The following DNAH14 variants were observed in gnomAD, a reference collection of about 807,000 sequenced individuals.
DNAH14 encodes axonemal beta dynein heavy chain 14.
In DNAH14, 478 loss-of-function variants were observed where a neutral mutation model predicts 520.9. That is an observed-to-expected ratio of 0.92 (90% CI 0.85 to 0.99). The LOEUF is 0.99. DNAH14 is among the 50% of genes least tolerant of loss of function. DNAH14 has a pLI of 0.00. For synonymous variants in DNAH14, 1,581 were observed against 1,757.2 expected (o/e 0.90, Z 2.51); for missense variants, 4,831 against 5,234.5 (o/e 0.92, Z 2.38).
At chr1:225,384,844 T>G (rs887435298) in intron 81 of DNAH14, among the ~76,000 whole-genome samples, 1 of 152,064 alleles carries the variant, frequency 6.6e-6, no homozygotes, top group Admixed American at 6.6e-5. Flanking sequence ...TTCCAATCAA[T>G]AGAAAAAGAG....
chr1:225,375,102 C>T (rs1414124964), intron 78 of DNAH14, among the ~76,000 whole-genome samples: 1 of 152,054 alleles, frequency 6.6e-6, no homozygotes, highest in Non-Finnish European at 1.5e-5. Flanking sequence ...TTCATGTCCT[C>T]CGAGAACGTA....
chr1:224,974,708 G>T (rs1274171611), intron 8 of DNAH14, among the ~76,000 whole-genome samples: 1 of 152,012 alleles, frequency 6.6e-6, no homozygotes. Context: ...GCCTTTTATA[G>T]CTATATCCAC....
chr1:224,969,997 A>T (rs1236792879), intron 7 of DNAH14, among the ~76,000 whole-genome samples: 1 of 152,242 alleles, frequency 6.6e-6, no homozygotes, highest in East Asian at 1.9e-4. Context: ...AGAACAGGAT[A>T]ACAGCAATGT....
chr1:225,058,331 G>A (rs1174113836), intron 17 of DNAH14, among the ~76,000 whole-genome samples: 3 of 152,188 alleles, frequency 2.0e-5, no homozygotes, highest in Admixed American at 2.0e-4. Context: ...AGTGTTGATA[G>A]TATTCTCTGA....
At chr1:225,088,292 C>A (rs766236282) in intron 21 of DNAH14, among the ~76,000 whole-genome samples, 1 of 151,862 alleles carries the variant, frequency 6.6e-6, no homozygotes, top group Non-Finnish European at 1.5e-5. Context: ...TAAATTTATT[C>A]CATATGTTAA....
At chr1:224,940,883 G>A (rs2059378341) in intron 1 of DNAH14, among the ~76,000 whole-genome samples, 1 of 152,164 alleles carries the variant, frequency 6.6e-6, no homozygotes, top group Admixed American at 6.5e-5. Flanking sequence ...ATTCCATGGT[G>A]TATATGTGCC....
chr1:225,122,740 TA>T (rs1359107806), intron 26 of DNAH14, among the ~76,000 whole-genome samples: 4 of 152,150 alleles, frequency 2.6e-5, no homozygotes, highest in Non-Finnish European at 5.9e-5. Flanking sequence ...TTGAAATGTA[TA>T]AAAAGTTGTT....
At chr1:225,079,839 A>G (rs2072901776) in intron 18 of DNAH14, among the ~76,000 whole-genome samples, 2 of 151,740 alleles carry the variant, frequency 1.3e-5, no homozygotes, top group African/African-American at 4.8e-5. Flanking sequence ...ACGCCCGGCT[A>G]ATTTTTTGTA....
chr1:225,349,243 T>C (rs1029517647), intron 71 of DNAH14, among the ~76,000 whole-genome samples: 2 of 152,112 alleles, frequency 1.3e-5, no homozygotes, highest in Non-Finnish European at 2.9e-5. Context: ...TAAAATAGAA[T>C]GCTATAAAAT....
intron 55 of DNAH14, among the ~76,000 whole-genome samples, chr1:225,296,839 G>T (rs12094482): frequency 6.6e-6 from 1 of 152,134 alleles, no homozygotes; most frequent in South Asian, 2.1e-4. Flanking sequence ...TTTCTGCTGA[G>T]AAATCTGCTG....
At chr1:225,367,655 A>G (rs1038694838) in intron 76 of DNAH14, 150 bp from the exon 77 acceptor site, 1 of 622,212 alleles carries the variant, frequency 1.6e-6, no homozygotes, top group Non-Finnish European at 2.8e-6. Context: ...TGGCAAAAGA[A>G]TAACATGAGA....
Position 225,007,467 on chromosome 1 carries a change from C to A in DNAH14, c.1030C>A (p.Gln344Lys). ...TGAATTTTGTGAAGAGCAGTTACAGCAAGCTACCCAGGCATTGAAACAACT... is the reference window on the plus strand; with the variant it reads ...TGAATTTTGTGAAGAGCAGTTACAGAAAGCTACCCAGGCATTGAAACAACT... ...LDEFCEEQLQ[Q>K]ATQALKQLED... The change falls in exon 10 of 86, where the codon CAA (glutamine) becomes AAA (lysine). Residue 344 changes from glutamine (Q) to lysine (K), a missense_variant. Physicochemically the swap from Gln to Lys is moderately conservative, Grantham distance 53 (BLOSUM62 1). Coordinates refer to ENST00000682510, the MANE Select transcript of DNAH14 (RefSeq NM_001367479.1). The A allele has an allele frequency of 6.5e-7, 1 of 1,541,566 alleles. No individual in the cohort carries two copies. The highest frequency in any genetic ancestry group is 8.8e-7 in the Non-Finnish European group (1 of 1,141,174).
intron 17 of DNAH14, among the ~76,000 whole-genome samples, chr1:225,053,135 G>A (rs1198259905): frequency 6.6e-6 from 1 of 152,218 alleles, no homozygotes; most frequent in Non-Finnish European, 1.5e-5. Context: ...CTGCAAGACT[G>A]ACTGAGAACA....
intron 79 of DNAH14, among the ~76,000 whole-genome samples, chr1:225,377,645 A>C (rs1371508884): frequency 6.6e-6 from 1 of 152,162 alleles, no homozygotes; most frequent in Non-Finnish European, 1.5e-5. Flanking sequence ...CTGTAGTCCC[A>C]GTAACTTGCG....
At chr1:224,982,367 G>A (rs890892715) in intron 8 of DNAH14, among the ~76,000 whole-genome samples, 5 of 152,114 alleles carry the variant, frequency 3.3e-5, no homozygotes, top group South Asian at 2.1e-4. Context: ...TTATTCATCC[G>A]TCATTTGGGT....
intron 52 of DNAH14, among the ~76,000 whole-genome samples, chr1:225,274,194 G>GGTTTTTTTTTTT (rs2093394247): frequency 8.3e-6 from 1 of 120,352 alleles, no homozygotes; most frequent in African/African-American, 3.4e-5. Flanking sequence ...ACCAGCATCT[G>GGTTTTTTTTTTT]TTATTTTTTT....
rs1052197565 is a variant in DNAH14 at position 225,080,767 on chromosome 1, A to G, written c.3136+19A>G. On this transcript the variant is annotated intron_variant, in intron 19 of 85. Coordinates refer to ENST00000682510, the MANE Select transcript of DNAH14 (RefSeq NM_001367479.1). Reference sequence around the variant, plus strand: ...GAAAAAGGTAAAAATGTGTTTCTCAAATTTTCCCACCTAGGTCTATATACC... The same window carrying G: ...GAAAAAGGTAAAAATGTGTTTCTCAGATTTTCCCACCTAGGTCTATATACC... 10 of 1,488,812 alleles carry G rather than the reference A, an allele frequency of 6.7e-6. No individual in the cohort carries two copies. The African/African-American group carries it at 1.4e-4, about 21-fold the overall frequency. The allele number at this position is 1,488,812 out of a possible 1,614,324, so 92.2% of individuals were successfully genotyped here. A position where few individuals can be genotyped will look rare whatever the true frequency, so the allele number is the denominator to read the frequency against.
chr1:225,217,032 G>A (rs867322645), intron 41 of DNAH14, among the ~76,000 whole-genome samples: 1 of 152,142 alleles, frequency 6.6e-6, no homozygotes, highest in South Asian at 2.1e-4. Context: ...CTCGTTTGTG[G>A]TTTTATCTAC....
chr1:225,013,483 G>A (rs2064969453), intron 10 of DNAH14, among the ~76,000 whole-genome samples: 1 of 152,190 alleles, frequency 6.6e-6, no homozygotes, highest in Non-Finnish European at 1.5e-5. Context: ...CTTTAGCACT[G>A]TGCTGGGAGA....
Sources: gnomAD v4.1 joint callset for allele counts (sites outside exome capture counted in the v4.1 genomes callset) on GRCh38, gnomAD v4.1.1 for gene constraint, MANE v1.5 for transcripts, NCBI Gene and HGNC (gene_info 2026-07-23, HGNC 2026-07-21) for gene names.